The following TRIP13 variants were observed in gnomAD, a reference collection of about 807,000 sequenced individuals.
The protein encoded by TRIP13 is pachytene checkpoint protein 2 homolog.
TRIP13 carries 25 observed loss-of-function variants against 54.4 expected under a neutral mutation model. That is an observed-to-expected ratio of 0.46 (90% CI 0.33 to 0.64). TRIP13 has a LOEUF of 0.64. Among genes scored for constraint, TRIP13 ranks in the 30% least tolerant of loss-of-function variants. The probability of loss-of-function intolerance (pLI) is 0.02; values close to 1 mark genes in which losing one functional copy is unlikely to be tolerated. For synonymous variants in TRIP13, 207 were observed against 207.8 expected (o/e 1.00, Z 0.03); for missense variants, 373 against 534.2 (o/e 0.70, Z 2.97).
Position 896,790 on chromosome 5 carries a change from T to C in TRIP13, c.384T>C (p.Pro128=). ...TTGCAGCAAATCACTGGGTTCTACCTGCAGGTATGGGGTGTGATGGGAGTT... is the reference window on the plus strand; with the variant it reads ...TTGCAGCAAATCACTGGGTTCTACCCGCAGGTATGGGGTGTGATGGGAGTT... ...NIIAANHWVL[P]AAEFHGLWDS... The change falls in exon 3 of 13, where the codon CCT becomes CCC. Residue 128 remains proline (P), a synonymous_variant. Transcript: ENST00000166345. The C allele has an allele frequency of 6.2e-7, 1 of 1,613,164 alleles. No individual in the cohort carries two copies. The highest frequency in any genetic ancestry group is 8.5e-7 in the Non-Finnish European group (1 of 1,179,488).
At chr5:896,289 G>A (rs972179925) in intron 2 of TRIP13, among the ~76,000 whole-genome samples, 1 of 152,160 alleles carries the variant, frequency 6.6e-6, no homozygotes, top group African/African-American at 2.4e-5. Flanking sequence ...ACTCTAGCCT[G>A]GGCGACAAAG....
At chr5:896,867 CA>C (rs765537412) in intron 3 of TRIP13, 73 bp downstream of exon 3, 117 of 1,481,290 alleles carry the variant, frequency 7.9e-5, no homozygotes, top group African/African-American at 1.7e-4. Flanking sequence ...TGTCAGTTCA[CA>C]GGGGGGGTTC....
At chr5:896,607 G>C (rs1202882868) in intron 2 of TRIP13, 58 bp from the exon 3 acceptor site, 9 of 1,561,738 alleles carry the variant, frequency 5.8e-6, no homozygotes, top group Non-Finnish European at 7.8e-6. Flanking sequence ...AATTTGTATG[G>C]TTGCAGTTAA....
At chr5:900,094 C>T (rs1266280247) in intron 3 of TRIP13, among the ~76,000 whole-genome samples, 1 of 152,186 alleles carries the variant, frequency 6.6e-6, no homozygotes, top group Non-Finnish European at 1.5e-5. Context: ...GTGTTGTTCA[C>T]CACCAAAAAA....
In TRIP13 at chr5:901,438, T is replaced by C. The variant is rs80338980; in HGVS notation, c.535+7T>C. Reference sequence around the variant, plus strand: ...CGGGTGGTGCTGCTCCACGGTAAATTATGCAGGCTTTTATTTGACCAGATA... The same window carrying C: ...CGGGTGGTGCTGCTCCACGGTAAATCATGCAGGCTTTTATTTGACCAGATA... On this transcript the variant is annotated splice_region_variant and intron_variant, in intron 5 of 12. Coordinates refer to ENST00000166345, the MANE Select transcript of TRIP13 (RefSeq NM_004237.4). The C allele has an allele frequency of 1.8e-3, 2,887 of 1,613,390 alleles. 45 individuals carry two copies. The African/African-American group carries it at 0.032, about 18-fold the overall frequency.
chr5:907,582 C>T lies in TRIP13; in HGVS notation c.672+389C>T, dbSNP rs955945444. 6.6e-5 allele frequency among the ~76,000 whole-genome samples: 10 copies of T among 152,238 alleles called. No individual in the cohort carries two copies. The highest frequency in any genetic ancestry group is 2.2e-4 in the African/African-American group (9 of 41,466). ...AGCTGTGCCCAAGTCACCTGGCATC[C>T]GCACATCCCTCTGGTGAGGTGAGGT... On this transcript the variant is annotated intron_variant, in intron 7 of 12. Coordinates refer to ENST00000166345, the MANE Select transcript of TRIP13 (RefSeq NM_004237.4). The surrounding 1 kb of genome is among the most constrained non-coding windows in gnomAD (Gnocchi z 4.1).
rs555245555 is a variant in TRIP13 at position 903,713 on chromosome 5, T to C, written c.536-435T>C. 3.3e-5 allele frequency among the ~76,000 whole-genome samples: 5 copies of C among 152,182 alleles called. No individual in the cohort carries two copies. In the South Asian group the frequency reaches 1.0e-3, roughly 32 times the overall value. On this transcript the variant is annotated intron_variant, in intron 5 of 12. Transcript: ENST00000166345. ...TTCTGGGGGCAACAGGAATAACACA[T>C]GACCCCTCCACCTCCATTTATCAAG...
chr5:908,140 A>C lies in TRIP13; in HGVS notation c.759+66A>C. 6.4e-7 allele frequency: 1 copy of C among 1,560,276 alleles called. No individual in the cohort carries two copies. Among genetic ancestry groups the C allele is most frequent in the Non-Finnish European group, 8.8e-7 (1 of 1,131,814 alleles). On this transcript the variant is annotated intron_variant, in intron 8 of 12. Transcript: ENST00000166345. This position sits in a 1 kb window ranked among gnomAD's most constrained non-coding sequence, Gnocchi z 5.2. ...TTTTGCCATTGTGGGGACACAGCCT[A>C]CTCCTGATGCTCCTAGCTTTCCCCT...
In TRIP13 at chr5:908,469, G is replaced by T; in HGVS notation, c.866+8G>T. On this transcript the variant is annotated splice_region_variant and intron_variant, in intron 9 of 12. Coordinates refer to ENST00000166345, the MANE Select transcript of TRIP13 (RefSeq NM_004237.4). The surrounding 1 kb of genome is among the most constrained non-coding windows in gnomAD (Gnocchi z 5.2). ...AATTGATCAGATTAAAAGGTAACCA[G>T]GACATGCAGCAATTTTCCCTGAGAA... is the stretch of plus-strand genomic sequence containing the variant. 1 of 1,613,402 alleles carries T rather than the reference G, an allele frequency of 6.2e-7. No individual in the cohort carries two copies.
rs1040077690 is a variant in TRIP13 at position 910,899 on chromosome 5, C to T, written c.867-944C>T. Among the ~76,000 whole-genome samples the T allele has an allele frequency of 2.6e-5, 4 of 152,234 alleles. No individual in the cohort carries two copies. In the South Asian group the frequency reaches 6.2e-4, roughly 24 times the overall value. On this transcript the variant is annotated intron_variant, in intron 9 of 12. Transcript: ENST00000166345. The stretch of plus-strand genomic sequence containing the variant: ...CCACAGGCTCCCTGTCCTGCCTCTG[C>T]TTAGCTCACCCCGGCGCGCAGGCAC...
chr5:912,802 T>C lies in TRIP13; in HGVS notation c.1020+806T>C, dbSNP rs889606720. ...CCCCATGCTTGTGTTTCTGCTGCTC[T>C]AGCCCCTGTGGGAACAGACCTGTCC... On this transcript the variant is annotated intron_variant, in intron 10 of 12. Coordinates refer to ENST00000166345, the MANE Select transcript of TRIP13 (RefSeq NM_004237.4). This position sits in a 1 kb window ranked among gnomAD's most constrained non-coding sequence, Gnocchi z 7.2. Among the ~76,000 whole-genome samples, 6 of 152,230 alleles carry C rather than the reference T, an allele frequency of 3.9e-5. No individual in the cohort carries two copies. The highest frequency in any genetic ancestry group is 1.2e-4 in the African/African-American group (5 of 41,462).
rs748999607 is a variant in TRIP13 at position 901,451 on chromosome 5, A to AT, written c.535+23dup. 11 of 1,610,980 alleles carry AT rather than the reference A, an allele frequency of 6.8e-6. No homozygotes were observed. The East Asian group carries it at 2.5e-4, about 36-fold the overall frequency. ...TCCACGGTAAATTATGCAGGCTTTT[A>AT]TTTGACCAGATAAGTGGCATGAAAT... is the stretch of plus-strand genomic sequence containing the variant. On this transcript the variant is annotated intron_variant, in intron 5 of 12. Transcript: ENST00000166345.
At position 912,467 on chromosome 5, in the gene TRIP13, T is replaced by C. The variant is rs1341390067; in HGVS notation, c.1020+471T>C. 6.6e-6 allele frequency among the ~76,000 whole-genome samples: 1 copy of C among 152,106 alleles called. No homozygotes were observed. The highest frequency in any genetic ancestry group is 1.5e-5 in the Non-Finnish European group (1 of 68,020). On this transcript the variant is annotated intron_variant, in intron 10 of 12. Coordinates refer to ENST00000166345, the MANE Select transcript of TRIP13 (RefSeq NM_004237.4). The surrounding 1 kb of genome is among the most constrained non-coding windows in gnomAD (Gnocchi z 7.2). Reference sequence around the variant, plus strand: ...CTGTTGTGATGATAGGCAGGAACACTGTTGCCGTGGGCAGAGCGACGCGTG... The same window carrying C: ...CTGTTGTGATGATAGGCAGGAACACCGTTGCCGTGGGCAGAGCGACGCGTG...
chr5:916,233 G>A (rs1754338240), intron 12 of TRIP13, among the ~76,000 whole-genome samples: 1 of 152,220 alleles, frequency 6.6e-6, no homozygotes, highest in African/African-American at 2.4e-5. Context: ...TCTGTGGTGT[G>A]CTGAGCTCGT....
At chr5:895,251 C>G (rs752143429) in intron 2 of TRIP13, among the ~76,000 whole-genome samples, 6 of 152,160 alleles carry the variant, frequency 3.9e-5, no homozygotes, top group East Asian at 1.9e-4. Context: ...CTCATTCTTT[C>G]AATCAGCAAA....
Position 894,872 on chromosome 5 carries a change from G to C in TRIP13, c.178G>C (p.Glu60Gln). The part of the protein sequence containing the change: ...NIVFGDYTWT[E>Q]FDEPFLTRNV... ...TGTGTTTGGTGATTACACATGGACT[G>C]AGTTTGATGAACCTTTTTTGACCAG... The change falls in exon 2 of 13, where the codon GAG becomes CAG. Residue 60 changes from glutamate to glutamine, a missense_variant. By Grantham distance (29) the Glu-to-Gln change is conservative. Transcript: ENST00000166345. The C allele has an allele frequency of 1.2e-6, 2 of 1,614,052 alleles. No individual in the cohort carries two copies. The highest frequency in any genetic ancestry group is 1.7e-6 in the Non-Finnish European group (2 of 1,179,978).
Position 901,322 on chromosome 5 carries a change from T to C in TRIP13, c.445-19T>C, listed in dbSNP as rs1753984653. On this transcript the variant is annotated intron_variant, in intron 4 of 12. Transcript: ENST00000166345. ...CCTTGTTGGTATCTTTGTCAAGCTC[T>C]TTTCTTTTTCTCTATCAGCTCCTCG... 6.2e-7 allele frequency: 1 copy of C among 1,611,488 alleles called. No individual in the cohort carries two copies. The highest frequency in any genetic ancestry group is 8.5e-7 in the Non-Finnish European group (1 of 1,178,794).
In TRIP13 at chr5:915,164, T is replaced by G. The variant is rs932511558; in HGVS notation, c.1133+587T>G. On this transcript the variant is annotated intron_variant, in intron 11 of 12. Transcript: ENST00000166345. The surrounding 1 kb of genome is among the most constrained non-coding windows in gnomAD (Gnocchi z 4.2). ...TAAACAAGGGATAACATGAAGAATG[T>G]AGTATTTTTTAAGGATTTGGATTAT... 1.3e-5 allele frequency among the ~76,000 whole-genome samples: 2 copies of G among 152,232 alleles called. No homozygotes were observed. The highest frequency in any genetic ancestry group is 6.5e-5 in the Admixed American group (1 of 15,278).
At chr5:914,719 A>G (rs1754308401) in intron 11 of TRIP13, 142 bp downstream of exon 11, 1 of 638,618 alleles carries the variant, frequency 1.6e-6, no homozygotes, top group Admixed American at 2.4e-5. Flanking sequence ...GCATGTACAC[A>G]CGTGTGTGTG....
Sources: allele counts gnomAD v4.1 joint callset (sites outside exome capture counted in the v4.1 genomes callset), GRCh38; gene constraint gnomAD v4.1.1; non-coding constraint Gnocchi (gnomAD v3.1); transcripts MANE v1.5; gene names NCBI Gene and HGNC (gene_info 2026-07-23, HGNC 2026-07-21).